Variants in CNTN1 observed in about 807,000 individuals in gnomAD.
CNTN1 encodes the protein contactin-1.
Under a neutral mutation model 126.4 loss-of-function variants are expected in CNTN1, and 38 were observed. The ratio of observed to expected loss-of-function variants is 0.30; its 90% CI spans 0.23 to 0.39. The LOEUF (loss-of-function observed/expected upper bound fraction) is 0.39, where lower values mean the gene tolerates loss of function less well. Ranked by LOEUF, CNTN1 falls within the 10% of genes least tolerant of loss-of-function variation. The pLI is 1.00. For missense variants in CNTN1, 1,009 were observed against 1,248.4 expected, an observed-to-expected ratio of 0.81 and a Z score of 2.89; for synonymous variants, 413 against 422.6, an observed-to-expected ratio of 0.98 and a Z score of 0.28.
intron 23 of CNTN1, among the ~76,000 whole-genome samples, chr12:41,048,494 C>T (rs1410610556): frequency 6.6e-6 from 1 of 152,120 alleles, no homozygotes; most frequent in Non-Finnish European, 1.5e-5. Context: ...TTCTATGTTC[C>T]TAAGGACACC....
At chr12:41,062,832 A>G (rs1158190919) in intron 23 of CNTN1, among the ~76,000 whole-genome samples, 1 of 152,208 alleles carries the variant, frequency 6.6e-6, no homozygotes, top group Non-Finnish European at 1.5e-5. Flanking sequence ...CTGCCACAAA[A>G]TTTAATAAAA....
At chr12:40,901,574 C>T (rs981125700) in intron 1 of CNTN1, among the ~76,000 whole-genome samples, 4 of 152,196 alleles carry the variant, frequency 2.6e-5, no homozygotes, top group African/African-American at 4.8e-5. Context: ...TGTTACATTT[C>T]ATGAGATGTT....
intron 1 of CNTN1, among the ~76,000 whole-genome samples, chr12:40,872,004 G>A (rs538614452): frequency 6.6e-6 from 1 of 152,178 alleles, no homozygotes; most frequent in South Asian, 2.1e-4. Flanking sequence ...GTCTTTGAGA[G>A]GAAATGATAA....
chr12:40,962,758 A>G (rs1403275872), intron 15 of CNTN1, among the ~76,000 whole-genome samples: 1 of 152,168 alleles, frequency 6.6e-6, no homozygotes, highest in Non-Finnish European at 1.5e-5. Flanking sequence ...AGAGGCCAGT[A>G]AAGTTGCATG....
chr12:40,731,954 T>G (rs1397102013), intron 1 of CNTN1, among the ~76,000 whole-genome samples: 1 of 152,092 alleles, frequency 6.6e-6, no homozygotes, highest in Non-Finnish European at 1.5e-5. Flanking sequence ...AATATTTCAC[T>G]AAATTATGAA....
intron 1 of CNTN1, among the ~76,000 whole-genome samples, chr12:40,721,103 G>A (rs912923287): frequency 6.6e-6 from 1 of 152,040 alleles, no homozygotes; most frequent in Non-Finnish European, 1.5e-5. Flanking sequence ...AAATGCATTA[G>A]TTGAATCTCT....
chr12:40,801,319 T>A lies in CNTN1; in HGVS notation c.-76-107038T>A, dbSNP rs1252148397. ...GGTAACATCTATGTGCCTATCACAG[T>A]GATAAACACCAGGCCTCTGATAAAT... is the stretch of plus-strand genomic sequence containing the variant. On this transcript the variant is annotated intron_variant, in intron 1 of 23. Transcript: ENST00000551295. Among the ~76,000 whole-genome samples the A allele has an allele frequency of 9.9e-5, 15 of 151,980 alleles. 1 individual carries two copies.
At chr12:40,998,284 T>G (rs1383427832) in intron 17 of CNTN1, among the ~76,000 whole-genome samples, 1 of 152,186 alleles carries the variant, frequency 6.6e-6, no homozygotes, top group African/African-American at 2.4e-5. Flanking sequence ...ATAAGAATTT[T>G]ACTGTGGATA....
At chr12:41,000,503 T>C (rs1948329272) in intron 17 of CNTN1, among the ~76,000 whole-genome samples, 1 of 152,282 alleles carries the variant, frequency 6.6e-6, no homozygotes. Context: ...CAAATTATTT[T>C]TTAACCCTGT....
chr12:41,041,002 AG>A (rs1949391377), intron 23 of CNTN1, among the ~76,000 whole-genome samples: 2 of 143,208 alleles, frequency 1.4e-5, no homozygotes, highest in Admixed American at 7.1e-5. Context: ...CAGTTTTCAA[AG>A]GGAATGCTTC....
In CNTN1 at chr12:40,937,551, T is replaced by G. The variant is rs1235666367; in HGVS notation, c.1111-19T>G. 1 of 1,434,634 alleles carries G rather than the reference T, an allele frequency of 7.0e-7. No homozygotes were observed. The highest frequency in any genetic ancestry group is 1.4e-5 in the African/African-American group (1 of 71,318). 88.9% of individuals were successfully genotyped at this position (1,434,634 alleles called of 1,614,324 possible). On this transcript the variant is annotated intron_variant, in intron 10 of 23. Transcript: ENST00000551295. The stretch of plus-strand genomic sequence containing the variant: ...TATTAAAGTTCATTGAGAATATGTT[T>G]CAATTTTATTCTTTTCAGTATCATA...
intron 1 of CNTN1, among the ~76,000 whole-genome samples, chr12:40,786,992 C>T (rs1299836962): frequency 2.6e-5 from 4 of 152,030 alleles, no homozygotes; most frequent in Non-Finnish European, 4.4e-5. Context: ...TTTAATTATT[C>T]ATTTATTCAA....
chr12:40,879,498 T>G (rs942649018), intron 1 of CNTN1, among the ~76,000 whole-genome samples: 1 of 152,050 alleles, frequency 6.6e-6, no homozygotes, highest in Non-Finnish European at 1.5e-5. Flanking sequence ...TCTCCTTCTC[T>G]CTCCTTTTTT....
At chr12:40,692,803 G>A (rs773993187) in intron 1 of CNTN1, among the ~76,000 whole-genome samples, 16 of 152,308 alleles carry the variant, frequency 1.1e-4, no homozygotes, top group East Asian at 7.7e-4. Flanking sequence ...GCCCTGGGGT[G>A]CCGGGCAAGG....
intron 1 of CNTN1, among the ~76,000 whole-genome samples, chr12:40,848,283 T>G (rs1156879230): frequency 6.6e-6 from 1 of 152,234 alleles, no homozygotes; most frequent in Non-Finnish European, 1.5e-5. Flanking sequence ...TTTAAATTAC[T>G]ATTTCCCCCA....
intron 16 of CNTN1, among the ~76,000 whole-genome samples, chr12:40,985,523 T>C (rs924803776): frequency 2.0e-5 from 3 of 152,204 alleles, no homozygotes; most frequent in African/African-American, 7.2e-5. Flanking sequence ...TTGATCACTT[T>C]AAAAACATTG....
At chr12:40,925,800 TTATATATATATATATA>T (rs370971706) in intron 6 of CNTN1, among the ~76,000 whole-genome samples, 1 of 116,600 alleles carries the variant, frequency 8.6e-6, no homozygotes. Flanking sequence ...ACTATTGAAA[TTATATATATATATATA>T]TATATATATA....
intron 1 of CNTN1, among the ~76,000 whole-genome samples, chr12:40,716,230 C>G (rs763073361): frequency 9.2e-5 from 14 of 151,630 alleles, no homozygotes; most frequent in Admixed American, 1.3e-4. Flanking sequence ...CTCTCTCTCT[C>G]TGTGTCTCTC....
intron 9 of CNTN1, 43 bp downstream of exon 9, chr12:40,933,921 T>C (rs1216744949): frequency 6.7e-7 from 1 of 1,489,890 alleles, no homozygotes; most frequent in Admixed American, 1.7e-5. Context: ...CATCAGTATC[T>C]TATTTAGAGC....
Sources: gnomAD v4.1 joint callset for allele counts (sites outside exome capture counted in the v4.1 genomes callset) on GRCh38, gnomAD v4.1.1 for gene constraint, MANE v1.5 for transcripts, NCBI Gene and HGNC (gene_info 2026-07-23, HGNC 2026-07-21) for gene names.